The following CNTNAP2 variants were observed in gnomAD, a reference collection of about 807,000 sequenced individuals.
CNTNAP2 encodes the protein contactin associated protein 2.
A neutral mutation model predicts 155.2 loss-of-function variants in CNTNAP2; 98 were observed. The observed-to-expected ratio is 0.63, with a 90% confidence interval of 0.54 to 0.75. The LOEUF is 0.75. Ranked by LOEUF, CNTNAP2 falls within the 30% of genes least tolerant of loss-of-function variation. CNTNAP2 has a pLI of 0.00. For missense variants in CNTNAP2, 1,727 were observed against 1,688.1 expected, an observed-to-expected ratio of 1.02 and a Z score of -0.40; for synonymous variants, 651 against 631.2, an observed-to-expected ratio of 1.03 and a Z score of -0.47.
chr7:146,176,715 G>A (rs1306742677), intron 1 of CNTNAP2, among the ~76,000 whole-genome samples: 4 of 152,040 alleles, frequency 2.6e-5, no homozygotes, highest in Non-Finnish European at 5.9e-5. Context: ...CCTGGCCTCC[G>A]TGAACCCGAC....
At chr7:147,617,673 G>A (rs575111329) in intron 12 of CNTNAP2, among the ~76,000 whole-genome samples, 111 of 152,108 alleles carry the variant, frequency 7.3e-4, no homozygotes, top group South Asian at 7.3e-3. Flanking sequence ...AAAACAGCAC[G>A]CAACCCAGAA....
chr7:147,738,718 A>G (rs111604252), intron 13 of CNTNAP2, among the ~76,000 whole-genome samples: 1 of 147,096 alleles, frequency 6.8e-6, no homozygotes, highest in Non-Finnish European at 1.5e-5. Context: ...GCAGTGGTGC[A>G]ATCTTGGGTC....
At chr7:146,911,081 A>G (rs1420929863) in intron 3 of CNTNAP2, among the ~76,000 whole-genome samples, 3 of 152,104 alleles carry the variant, frequency 2.0e-5, no homozygotes, top group African/African-American at 7.3e-5. Flanking sequence ...GCCATCAGAG[A>G]AATGCAAATC....
intron 11 of CNTNAP2, among the ~76,000 whole-genome samples, chr7:147,515,926 A>T (rs185011083): frequency 4.3e-4 from 66 of 152,348 alleles, no homozygotes; most frequent in Non-Finnish European, 8.2e-4. Flanking sequence ...GAGTGCTTAC[A>T]TTAAGATAGT....
chr7:147,029,350 A>G (rs562826568), intron 3 of CNTNAP2, among the ~76,000 whole-genome samples: 1 of 152,294 alleles, frequency 6.6e-6, no homozygotes, highest in African/African-American at 2.4e-5. Context: ...TTATTTCATT[A>G]TCATCAGTTA....
intron 21 of CNTNAP2, among the ~76,000 whole-genome samples, chr7:148,337,250 C>A (rs935139234): frequency 6.6e-6 from 1 of 151,984 alleles, no homozygotes; most frequent in Admixed American, 6.5e-5. Context: ...TGAGAGGCAT[C>A]GCTCCAGCCT....
intron 18 of CNTNAP2, among the ~76,000 whole-genome samples, chr7:148,189,596 C>T (rs567427879): frequency 1.8e-4 from 27 of 152,308 alleles, no homozygotes; most frequent in African/African-American, 1.4e-4. Flanking sequence ...TGGGATGATA[C>T]AACAAGAGGG....
intron 10 of CNTNAP2, among the ~76,000 whole-genome samples, chr7:147,400,422 T>C (rs1796893238): frequency 6.6e-6 from 1 of 152,182 alleles, no homozygotes; most frequent in African/African-American, 2.4e-5. Flanking sequence ...GTTTGACCTG[T>C]TTTTCTGTGG....
At chr7:146,339,342 A>T (rs1181303117) in intron 1 of CNTNAP2, among the ~76,000 whole-genome samples, 1 of 152,208 alleles carries the variant, frequency 6.6e-6, no homozygotes, top group Non-Finnish European at 1.5e-5. Context: ...ATTTAAAAAG[A>T]TACTTCAAAA....
chr7:147,239,948 G>T (rs1803901062), intron 8 of CNTNAP2, among the ~76,000 whole-genome samples: 1 of 152,072 alleles, frequency 6.6e-6, no homozygotes, highest in Admixed American at 6.5e-5. Flanking sequence ...GTGGCTTTTG[G>T]TAACATGGAT....
intron 2 of CNTNAP2, among the ~76,000 whole-genome samples, chr7:146,782,704 G>A (rs1037764791): frequency 6.6e-6 from 1 of 152,128 alleles, no homozygotes; most frequent in Admixed American, 6.6e-5. Flanking sequence ...CCCTCTACTT[G>A]TAGTTTAAAA....
At chr7:146,352,841 G>C (rs1044005613) in intron 1 of CNTNAP2, among the ~76,000 whole-genome samples, 1 of 134,172 alleles carries the variant, frequency 7.5e-6, no homozygotes, top group Non-Finnish European at 1.5e-5. Context: ...TGCAAGCTCC[G>C]CCTCCCGGGT....
At chr7:147,516,894 G>T (rs1013449229) in intron 11 of CNTNAP2, among the ~76,000 whole-genome samples, 2 of 129,000 alleles carry the variant, frequency 1.6e-5, no homozygotes, top group East Asian at 2.2e-4. Flanking sequence ...ACATAATCTC[G>T]CTCTGTGCCC....
chr7:146,416,272 A>T (rs1795937411), intron 1 of CNTNAP2, among the ~76,000 whole-genome samples: 1 of 150,348 alleles, frequency 6.7e-6, no homozygotes, highest in African/African-American at 2.4e-5. Flanking sequence ...ATATACATAT[A>T]TACCTATATA....
At chr7:147,326,701 A>G (rs1383492262) in intron 9 of CNTNAP2, among the ~76,000 whole-genome samples, 2 of 152,116 alleles carry the variant, frequency 1.3e-5, no homozygotes, top group African/African-American at 4.8e-5. Flanking sequence ...GTTATTTTCA[A>G]GGTTTTACTT....
At position 147,159,892 on chromosome 7, in the gene CNTNAP2, A is replaced by T. The variant is rs117478163; in HGVS notation, c.1348+27383A>T. On this transcript the variant is annotated intron_variant, in intron 8 of 23. Transcript: ENST00000361727. ...CCTTAATTAAGAAATTGGTATATCT[A>T]TTACTTCTCTATGAATCATACTTTT... is the stretch of plus-strand genomic sequence containing the variant. Among the ~76,000 whole-genome samples, 100 of 152,232 alleles carry T rather than the reference A, an allele frequency of 6.6e-4. 2 individuals are homozygous for T. In the East Asian group the frequency reaches 0.018, roughly 27 times the overall value.
intron 21 of CNTNAP2, among the ~76,000 whole-genome samples, chr7:148,293,560 T>C (rs1364251859): frequency 1.3e-5 from 2 of 152,222 alleles, no homozygotes; most frequent in Non-Finnish European, 2.9e-5. Context: ...AGTATAGTGA[T>C]TCATCCAAAA....
intron 11 of CNTNAP2, among the ~76,000 whole-genome samples, chr7:147,504,759 A>C (rs1452029725): frequency 6.6e-6 from 1 of 151,148 alleles, no homozygotes; most frequent in Non-Finnish European, 1.5e-5. Flanking sequence ...AGTTATAATC[A>C]CATTAATATA....
intron 1 of CNTNAP2, among the ~76,000 whole-genome samples, chr7:146,253,973 G>A (rs796297791): frequency 1.3e-4 from 20 of 152,126 alleles, no homozygotes; most frequent in African/African-American, 4.6e-4. Context: ...GACATGGGAG[G>A]ATTTCTTGAG....
Sources: allele counts gnomAD v4.1 joint callset (sites outside exome capture counted in the v4.1 genomes callset), GRCh38; gene constraint gnomAD v4.1.1; transcripts MANE v1.5; gene names NCBI Gene and HGNC (gene_info 2026-07-23, HGNC 2026-07-21).